The following PDE7B variants were observed in gnomAD, a reference collection of about 807,000 sequenced individuals.
PDE7B encodes phosphodiesterase 7B, also known as 3',5'-cyclic-AMP phosphodiesterase 7B.
PDE7B carries 29 observed loss-of-function variants against 56.2 expected under a neutral mutation model. The ratio of observed to expected loss-of-function variants is 0.52; its 90% CI spans 0.38 to 0.70. PDE7B has a LOEUF of 0.70. Ranked by LOEUF, PDE7B falls within the 30% of genes least tolerant of loss-of-function variation. PDE7B has a pLI of 0.00. For synonymous variants in PDE7B, 197 were observed against 196.9 expected (o/e 1.00, Z 0.00); for missense variants, 490 against 565.0 (o/e 0.87, Z 1.35).
intron 2 of PDE7B, among the ~76,000 whole-genome samples, chr6:136,087,020 G>A (rs1777304127): frequency 6.6e-6 from 1 of 152,144 alleles, no homozygotes; most frequent in Non-Finnish European, 1.5e-5. Context: ...ATGTGTCAAA[G>A]TTCTATCTGC....
intron 2 of PDE7B, among the ~76,000 whole-genome samples, chr6:135,953,039 C>T (rs1410265414): frequency 1.3e-5 from 2 of 152,032 alleles, no homozygotes; most frequent in Non-Finnish European, 2.9e-5. Flanking sequence ...GCGTATCTGA[C>T]GACCTGAATT....
At chr6:136,056,624 T>C (rs1211178360) in intron 2 of PDE7B, among the ~76,000 whole-genome samples, 1 of 140,876 alleles carries the variant, frequency 7.1e-6, no homozygotes, top group Non-Finnish European at 1.5e-5. Flanking sequence ...CTCCGCCTCC[T>C]GGGTTCAATC....
chr6:135,852,017 G>C lies in PDE7B; in HGVS notation c.19G>C (p.Glu7Gln), dbSNP rs756142011. 2.5e-6 allele frequency: 4 copies of C among 1,607,040 alleles called. No individual in the cohort carries two copies. The South Asian group carries it at 4.4e-5, about 18-fold the overall frequency. ...TGGTTAAATGTCTTGTTTAATGGTT[G>C]AGGTATGTACAACAAATTTAAGCGG... is the stretch of plus-strand genomic sequence containing the variant. MSCLMV[E>Q]RCGEILFENP... The change falls in exon 1 of 13, where the codon GAG becomes CAG. Residue 7 changes from glutamate to glutamine, a missense_variant and splice_region_variant. Transcript: ENST00000308191.
At chr6:135,911,842 T>TA (rs1407512282) in intron 1 of PDE7B, among the ~76,000 whole-genome samples, 1 of 152,228 alleles carries the variant, frequency 6.6e-6, no homozygotes, top group African/African-American at 2.4e-5. Flanking sequence ...TGAAAAATTG[T>TA]ATAATATTTT....
At chr6:136,113,058 T>G (rs988076794) in intron 3 of PDE7B, among the ~76,000 whole-genome samples, 1 of 152,216 alleles carries the variant, frequency 6.6e-6, no homozygotes, top group Non-Finnish European at 1.5e-5. Flanking sequence ...AAAGATCACA[T>G]GCAGGAATAA....
intron 1 of PDE7B, among the ~76,000 whole-genome samples, chr6:135,940,288 T>A (rs1253835276): frequency 6.6e-6 from 1 of 152,190 alleles, no homozygotes; most frequent in African/African-American, 2.4e-5. Flanking sequence ...TTTCAAAGCC[T>A]TCTCCAGTAA....
chr6:136,078,918 T>C (rs1276945538), intron 2 of PDE7B, among the ~76,000 whole-genome samples: 1 of 152,186 alleles, frequency 6.6e-6, no homozygotes, highest in African/African-American at 2.4e-5. Flanking sequence ...AGGGAAACTC[T>C]ATTTTATTAA....
intron 2 of PDE7B, among the ~76,000 whole-genome samples, chr6:135,987,783 C>T (rs1775407791): frequency 6.6e-6 from 1 of 152,034 alleles, no homozygotes; most frequent in African/African-American, 2.4e-5. Context: ...CTAATAAATA[C>T]ATGAGAAGAT....
chr6:135,852,087 G>A, intron 1 of PDE7B, 68 bp downstream of exon 1: 1 of 1,056,106 alleles, frequency 9.5e-7, no homozygotes, highest in Non-Finnish European at 1.5e-6. Flanking sequence ...AGAGATGGCA[G>A]GATTTTTATT....
chr6:135,993,347 C>G (rs1351824231), intron 2 of PDE7B, among the ~76,000 whole-genome samples: 2 of 152,162 alleles, frequency 1.3e-5, no homozygotes, highest in Non-Finnish European at 2.9e-5. Context: ...CGTTTTCAAG[C>G]CTGGCTAACC....
At chr6:136,049,690 AAC>A (rs1776591129) in intron 2 of PDE7B, among the ~76,000 whole-genome samples, 1 of 152,184 alleles carries the variant, frequency 6.6e-6, no homozygotes, top group Non-Finnish European at 1.5e-5. Context: ...AATAAACGTG[AAC>A]ATAGGTACAA....
intron 1 of PDE7B, among the ~76,000 whole-genome samples, chr6:135,853,990 C>A (rs1774981421): frequency 1.3e-5 from 2 of 152,024 alleles, no homozygotes; most frequent in South Asian, 4.2e-4. Context: ...TGGTGTCAGT[C>A]CAGCCTGAAA....
rs1266444388 is a variant in PDE7B, at chr6:136,147,366, G to C, written c.182G>C (p.Gly61Ala). The C allele has an allele frequency of 6.2e-7, 1 of 1,612,024 alleles. No homozygotes were observed. The highest frequency in any genetic ancestry group is 1.1e-5 in the South Asian group (1 of 90,944). ...CTTTCCACAGGTACAACATACTCAG[G>C]GGAGATTGGCACCAAGAAAAAGGTG... ...FRLLNSTTYS[G>A]EIGTKKKVKR... The change falls in exon 4 of 13, where the codon GGG becomes GCG. Residue 61 changes from glycine to alanine, a missense_variant. Coordinates refer to ENST00000308191, the MANE Select transcript of PDE7B (RefSeq NM_018945.4).
At position 135,935,169 on chromosome 6, in the gene PDE7B, A is replaced by ATTTTATATATATATAT. The variant is rs1454316529; in HGVS notation, c.22-12292_22-12277dup. On this transcript the variant is annotated intron_variant, in intron 1 of 12. Transcript: ENST00000308191. Reference sequence around the variant, plus strand: ...TATAAATAAATATATGAGACAGAGAATTTTATATATATATATTTATTTATA... The same window carrying ATTTTATATATATATAT: ...TATAAATAAATATATGAGACAGAGAATTTTATATATATATATTTTTATATATATATATTTATTTATA... Among the ~76,000 whole-genome samples, 33 of 50,334 alleles carry ATTTTATATATATATAT rather than the reference A, an allele frequency of 6.6e-4. 2 individuals are homozygous for ATTTTATATATATATAT. Among genetic ancestry groups the ATTTTATATATATATAT allele is most frequent in the Non-Finnish European group, 9.5e-4 (30 of 31,600 alleles). The allele number at this position is 50,334 out of a possible 152,430, so 33.0% of individuals were successfully genotyped here. A position where few individuals can be genotyped will look rare whatever the true frequency, so the allele number is the denominator to read the frequency against.
chr6:136,036,442 G>C (rs1182558688), intron 2 of PDE7B, among the ~76,000 whole-genome samples: 3 of 152,216 alleles, frequency 2.0e-5, no homozygotes, highest in African/African-American at 7.2e-5. Flanking sequence ...TTAGGAAGGA[G>C]AGTAGGTTTG....
chr6:136,066,830 T>A (rs1776944523), intron 2 of PDE7B, among the ~76,000 whole-genome samples: 1 of 151,544 alleles, frequency 6.6e-6, no homozygotes, highest in African/African-American at 2.4e-5. Flanking sequence ...ACTCCCTGAG[T>A]ATTCCTTTGG....
chr6:135,946,834 C>A (rs551358003), intron 1 of PDE7B, among the ~76,000 whole-genome samples: 2 of 152,146 alleles, frequency 1.3e-5, no homozygotes, highest in African/African-American at 4.8e-5. Context: ...ACAACTGTGG[C>A]CTGTTCTTAA....
chr6:136,161,508 T>TTC (rs1226083663), intron 8 of PDE7B, among the ~76,000 whole-genome samples: 1 of 152,244 alleles, frequency 6.6e-6, no homozygotes, highest in African/African-American at 2.4e-5. Context: ...TGGAATGATC[T>TTC]TCTCATTGCA....
At chr6:136,011,856 A>T (rs959715202) in intron 2 of PDE7B, among the ~76,000 whole-genome samples, 1 of 152,178 alleles carries the variant, frequency 6.6e-6, no homozygotes, top group African/African-American at 2.4e-5. Flanking sequence ...GTTTCAGAGT[A>T]TAAGTTTTAT....
Sources: allele counts gnomAD v4.1 joint callset (sites outside exome capture counted in the v4.1 genomes callset), GRCh38; gene constraint gnomAD v4.1.1; transcripts MANE v1.5; gene names NCBI Gene and HGNC (gene_info 2026-07-23, HGNC 2026-07-21).